TRIM5: variants seen among roughly 807,000 people sequenced by gnomAD.
TRIM5 encodes tripartite motif-containing protein 5.
Under a neutral mutation model 35.6 loss-of-function variants are expected in TRIM5, and 31 were observed. That is an observed-to-expected ratio of 0.87 (90% CI 0.65 to 1.18). The LOEUF (loss-of-function observed/expected upper bound fraction) is 1.18, where lower values mean the gene tolerates loss of function less well. Among genes scored for constraint, TRIM5 ranks in the 50% most tolerant of loss-of-function variants. The pLI is 0.00. For synonymous variants in TRIM5, 243 were observed against 215.6 expected, an observed-to-expected ratio of 1.13 and a Z score of -1.11; for missense variants, 609 against 591.6, an observed-to-expected ratio of 1.03 and a Z score of -0.31.
the TRIM5 span, among the ~76,000 whole-genome samples, chr11:5,651,770 A>G: frequency 6.6e-6 from 1 of 152,188 alleles, no homozygotes; most frequent in African/African-American, 2.4e-5. Context: ...GTAGTGTGTA[A>G]GCATTCTCTT....
the TRIM5 span, chr11:5,610,412 G>A: frequency 3.1e-6 from 5 of 1,588,896 alleles, no homozygotes; most frequent in Admixed American, 6.8e-5. Flanking sequence ...AAGGGGAGAT[G>A]AAATGGCCAG....
chr11:5,597,194 G>A, the TRIM5 span, among the ~76,000 whole-genome samples: 76,031 of 151,634 alleles, frequency 0.5, 19,466 homozygotes, highest in Middle Eastern at 0.71. Flanking sequence ...CTGTTAACTT[G>A]ACTTCTTTGA....
At chr11:5,597,393 T>G in the TRIM5 span, among the ~76,000 whole-genome samples, 8 of 152,228 alleles carry the variant, frequency 5.3e-5, no homozygotes, top group African/African-American at 1.9e-4. Context: ...AATTATAGGT[T>G]TCTGAAATGC....
chr11:5,680,785 T>C (rs1418975733), intron 1 of TRIM5, among the ~76,000 whole-genome samples: 1 of 152,210 alleles, frequency 6.6e-6, no homozygotes, highest in East Asian at 1.9e-4. Context: ...CAATGATTGC[T>C]CTTATTATCA....
At chr11:5,605,664 C>T in the TRIM5 span, 2 of 1,402,976 alleles carry the variant, frequency 1.4e-6, no homozygotes, top group Non-Finnish European at 1.9e-6. Context: ...GTTGCAGGGA[C>T]AAGAGAAAAC....
rs1301894994 is a variant in TRIM5 at position 5,678,447 on chromosome 11, G to C, written c.514-13C>G. The C allele has an allele frequency of 2.7e-6, 4 of 1,499,510 alleles. No individual in the cohort carries two copies. The highest frequency in any genetic ancestry group is 1.4e-5 in the South Asian group (1 of 72,212). 92.9% of individuals were successfully genotyped at this position (1,499,510 alleles called of 1,614,324 possible). A position where few individuals can be genotyped will look rare whatever the true frequency, so the allele number is the denominator to read the frequency against. On this transcript the variant is annotated splice_polypyrimidine_tract_variant and intron_variant, in intron 3 of 7. Transcript: ENST00000380034. ...ACTGTATTTGAGTCTTCAGAGATAA[G>C]AGAAGAGAAAGGGGCACTCAGTCTA...
the TRIM5 span, among the ~76,000 whole-genome samples, chr11:5,601,836 G>A: frequency 6.6e-6 from 1 of 152,134 alleles, no homozygotes; most frequent in Non-Finnish European, 1.5e-5. Flanking sequence ...GCGAGCATGT[G>A]GTGAGAGGGC....
At chr11:5,679,702 G>A in intron 2 of TRIM5, 59 bp downstream of exon 2, 1 of 1,506,206 alleles carries the variant, frequency 6.6e-7, no homozygotes, top group Non-Finnish European at 8.9e-7. Context: ...AAGGCAAAGT[G>A]AAAATTTTCC....
At chr11:5,595,548 A>G in the TRIM5 span, among the ~76,000 whole-genome samples, 405 of 152,246 alleles carry the variant, frequency 2.7e-3, 1 homozygote, top group Non-Finnish European at 4.0e-3. Context: ...ATACGTCTAT[A>G]TGGAGTACAG....
chr11:5,610,597 T>C, the TRIM5 span: 1 of 1,603,840 alleles, frequency 6.2e-7, no homozygotes, highest in Non-Finnish European at 8.5e-7. Flanking sequence ...GGCTGGCACA[T>C]TCTGATCTCC....
At chr11:5,625,751 C>T in the TRIM5 span, among the ~76,000 whole-genome samples, 20 of 152,200 alleles carry the variant, frequency 1.3e-4, no homozygotes, top group African/African-American at 4.6e-4. Context: ...CTGAACATAC[C>T]TGTTTACTTT....
At chr11:5,637,154 CAG>C in the TRIM5 span, among the ~76,000 whole-genome samples, 35,342 of 151,762 alleles carry the variant, frequency 0.23, 4,555 homozygotes, top group East Asian at 0.47. Context: ...GCCTGGGCGA[CAG>C]AGCGAGACTC....
the TRIM5 span, among the ~76,000 whole-genome samples, chr11:5,646,396 T>C: frequency 6.6e-6 from 1 of 152,156 alleles, no homozygotes; most frequent in East Asian, 1.9e-4. Flanking sequence ...TTGGTTATTC[T>C]CCATCAAATA....
chr11:5,643,867 A>C, the TRIM5 span: 1 of 929,018 alleles, frequency 1.1e-6, no homozygotes, highest in Non-Finnish European at 1.6e-6. Context: ...GTTATGAGAG[A>C]TGCTTATTTA....
the TRIM5 span, among the ~76,000 whole-genome samples, chr11:5,599,467 G>T: frequency 0.1 from 15,659 of 151,954 alleles, 849 homozygotes; most frequent in Middle Eastern, 0.25. Flanking sequence ...GCAGTGGCAC[G>T]ATCTCGACTC....
At chr11:5,678,466 C>A in intron 3 of TRIM5, 32 bp from the exon 4 acceptor site, 1 of 1,470,176 alleles carries the variant, frequency 6.8e-7, no homozygotes, top group South Asian at 1.5e-5. Flanking sequence ...AAGGGGCACT[C>A]AGTCTACCAG....
In TRIM5 at chr11:5,665,786, G is replaced by C. The variant is rs188089462; in HGVS notation, c.869-104C>G. The C allele has an allele frequency of 1.8e-4, 265 of 1,445,048 alleles. No individual in the cohort carries two copies. The African/African-American group carries it at 3.4e-3, about 18-fold the overall frequency. The allele number at this position is 1,445,048 out of a possible 1,614,324, so 89.5% of individuals were successfully genotyped here. On this transcript the variant is annotated intron_variant, in intron 6 of 7. Coordinates refer to ENST00000380034, the MANE Select transcript of TRIM5 (RefSeq NM_033034.3). The stretch of plus-strand genomic sequence containing the variant: ...AAAGAGTAGGTATGCCCTATGGTAG[G>C]GCAGTAAATTGCTGAATGATGAGAT...
At chr11:5,604,570 G>T in the TRIM5 span, 1 of 1,613,218 alleles carries the variant, frequency 6.2e-7, no homozygotes. Flanking sequence ...GCTGAAGAAC[G>T]AGGAGCAGGA....
the TRIM5 span, among the ~76,000 whole-genome samples, chr11:5,622,553 G>C: frequency 6.6e-6 from 1 of 152,094 alleles, no homozygotes; most frequent in African/African-American, 2.4e-5. Context: ...GGGAGGCGGA[G>C]GTTGCGGTGA....
Sources: allele counts gnomAD v4.1 joint callset (sites outside exome capture counted in the v4.1 genomes callset), GRCh38; gene constraint gnomAD v4.1.1; transcripts MANE v1.5; gene names NCBI Gene and HGNC (gene_info 2026-07-23, HGNC 2026-07-21).